MYB: variants seen among roughly 807,000 people sequenced by gnomAD.
MYB encodes the protein MYB proto-oncogene, transcription factor, also known as transcriptional activator Myb.
A neutral mutation model predicts 92.9 loss-of-function variants in MYB; 28 were observed. The ratio of observed to expected loss-of-function variants is 0.30; its 90% CI spans 0.22 to 0.41. The LOEUF is 0.41. MYB is among the 10% of genes least tolerant of loss of function. MYB has a pLI of 1.00. For synonymous variants in MYB, 295 were observed against 329.1 expected, an observed-to-expected ratio of 0.90 and a Z score of 1.12; for missense variants, 679 against 929.3, an observed-to-expected ratio of 0.73 and a Z score of 3.50.
chr6:135,215,524 G>C (rs1397225948), intron 15 of MYB, among the ~76,000 whole-genome samples: 3 of 152,150 alleles, frequency 2.0e-5, no homozygotes, highest in South Asian at 4.1e-4. Context: ...GCAGTGAATG[G>C]TAGCTATGCC....
chr6:135,203,073 T>TG (rs1355077668), intron 14 of MYB, 144 bp from the exon 15 acceptor site: 2 of 704,130 alleles, frequency 2.8e-6, no homozygotes, highest in Non-Finnish European at 5.1e-6. Flanking sequence ...TAGCTCATAG[T>TG]GGGGAGAATT....
rs770846525 is a variant in MYB at position 135,196,999 on chromosome 6, C to A, written c.1242C>A (p.Phe414Leu). 8.1e-6 allele frequency: 13 copies of A among 1,613,772 alleles called. No individual in the cohort carries two copies. Among genetic ancestry groups the A allele is most frequent in the East Asian group, 2.2e-5 (1 of 44,898 alleles). The change falls in exon 10 of 16, where the codon TTC becomes TTA. Residue 414 changes from phenylalanine (F) to leucine (L), a missense_variant. Phe to Leu is a conservative substitution (Grantham distance 22). This residue lies in a region of MYB where 402 missense variants were observed against 434.2 expected (regional missense o/e 0.93). Coordinates refer to ENST00000341911, the MANE Select transcript of MYB (RefSeq NM_001130173.2). ...SSWCDLSSFE[F>L]FEEADFSPSQ... ...GGTGTGATCTCAGCAGTTTTGAATT[C>A]TTTGAAGAAGCAGATTTTTCACCTA...
Position 135,181,586 on chromosome 6 carries a change from G to A in MYB, c.23+50G>A. The A allele has an allele frequency of 2.7e-6, 3 of 1,122,354 alleles. No homozygotes were observed. The highest frequency in any genetic ancestry group is 4.4e-5 in the South Asian group (1 of 22,980). 69.5% of individuals were successfully genotyped at this position (1,122,354 alleles called of 1,614,324 possible). ...CGAGGGCGGGGGCGCGCGGGGGCGCGCGGGGCGCCAGGCTCCCGGGAGCAG... is the reference window on the plus strand; with the variant it reads ...CGAGGGCGGGGGCGCGCGGGGGCGCACGGGGCGCCAGGCTCCCGGGAGCAG... On this transcript the variant is annotated intron_variant, in intron 1 of 15. Coordinates refer to ENST00000341911, the MANE Select transcript of MYB (RefSeq NM_001130173.2). This position sits in a 1 kb window ranked among gnomAD's most constrained non-coding sequence, Gnocchi z 5.3.
rs566116970 is a variant in MYB at position 135,182,663 on chromosome 6, C to A, written c.23+1127C>A. On this transcript the variant is annotated intron_variant, in intron 1 of 15. Coordinates refer to ENST00000341911, the MANE Select transcript of MYB (RefSeq NM_001130173.2). The surrounding 1 kb of genome is among the most constrained non-coding windows in gnomAD (Gnocchi z 5.6). The stretch of plus-strand genomic sequence containing the variant: ...CCGGACAGACCCTCGCGAAGGAGTT[C>A]TAAGGCGAAGTCCATGGAGGCAAAG... Among the ~76,000 whole-genome samples the A allele has an allele frequency of 9.2e-5, 14 of 152,368 alleles. No individual in the cohort carries two copies. Among genetic ancestry groups the A allele is most frequent in the South Asian group, 4.1e-4 (2 of 4,828 alleles).
intron 15 of MYB, among the ~76,000 whole-genome samples, chr6:135,204,523 G>A (rs1231606913): frequency 2.0e-5 from 3 of 152,246 alleles, no homozygotes; most frequent in African/African-American, 4.8e-5. Context: ...GGCAGGTCTC[G>A]AATTCCTGGT....
chr6:135,187,311 G>T (rs935789552), intron 2 of MYB, among the ~76,000 whole-genome samples: 2 of 152,020 alleles, frequency 1.3e-5, no homozygotes, highest in Non-Finnish European at 2.9e-5. Context: ...TTTATAAAAA[G>T]TTAAACTAAC....
At chr6:135,205,695 A>C (rs1778767783) in intron 15 of MYB, among the ~76,000 whole-genome samples, 1 of 152,206 alleles carries the variant, frequency 6.6e-6, no homozygotes, top group Non-Finnish European at 1.5e-5. Context: ...AATAATTGAG[A>C]CTTGAAAGTT....
chr6:135,208,081 ATT>A (rs34723585), intron 15 of MYB, among the ~76,000 whole-genome samples: 3 of 135,534 alleles, frequency 2.2e-5, no homozygotes, highest in East Asian at 2.1e-4. Context: ...TTTTTTTTTA[ATT>A]TTTTTTTTTT....
At position 135,197,070 on chromosome 6, in the gene MYB, G is replaced by A; in HGVS notation, c.1313G>A (p.Gly438Asp). 31 of 1,614,030 alleles carry A rather than the reference G, an allele frequency of 1.9e-5. No individual in the cohort carries two copies. Among genetic ancestry groups the A allele is most frequent in the Non-Finnish European group, 2.6e-5 (31 of 1,179,908 alleles). The change falls in exon 10 of 16, where the codon GGC (glycine) becomes GAC (aspartate). Residue 438 changes from glycine to aspartate, a missense_variant. By Grantham distance (94) the Gly-to-Asp change is moderately conservative. Around this residue, in one of 8 missense-constraint regions of MYB, gnomAD observed 402 missense variants for 434.2 expected, o/e 0.93. Transcript: ENST00000341911. ...GCCCTACAGCTTCAGCAAAGAGAGG[G>A]CAATGGGACTAAACCTGCAGGAGAA... ...GKALQLQQRE[G>D]NGTKPAGEPS... is the part of the protein sequence containing the mutation.
chr6:135,200,666 G>A (rs1777942917), intron 13 of MYB: 1 of 525,460 alleles, frequency 1.9e-6, no homozygotes, highest in East Asian at 3.6e-5. Flanking sequence ...AGAAAAGGGA[G>A]GGAAAGAGGT....
chr6:135,202,809 T>C (rs772766085), intron 14 of MYB: 9 of 408,936 alleles, frequency 2.2e-5, no homozygotes, highest in Non-Finnish European at 3.8e-5. Context: ...ATTCCCTACT[T>C]TTCACCATTT....
At chr6:135,194,809 T>C (rs544685169) in intron 8 of MYB, 116 of 958,168 alleles carry the variant, frequency 1.2e-4, no homozygotes, top group South Asian at 4.1e-4. Context: ...ACCATTTTGG[T>C]TTTTTTCTAT....
At chr6:135,187,778 G>T in intron 2 of MYB, 56 bp from the exon 3 acceptor site, 1 of 1,233,164 alleles carries the variant, frequency 8.1e-7, no homozygotes, top group South Asian at 1.5e-5. Context: ...ACTTTAACTT[G>T]AACAGAGTTA....
rs1023465689 is a variant in MYB, at chr6:135,189,649, G to T, written c.214-142G>T. On this transcript the variant is annotated intron_variant, in intron 3 of 15. Transcript: ENST00000341911. ...TGTTCTGTAGCCTGTAAGTAATGAG[G>T]GATAGATGGGCTCTAAACATGCTCT... 1.2e-5 allele frequency: 8 copies of T among 640,754 alleles called. No homozygotes were observed. In the East Asian group the frequency reaches 2.1e-4, roughly 17 times the overall value. The allele number at this position is 640,754 out of a possible 1,614,324, so 39.7% of individuals were successfully genotyped here. A position where few individuals can be genotyped will look rare whatever the true frequency, so the allele number is the denominator to read the frequency against.
At chr6:135,187,942 C>G in intron 3 of MYB, 37 bp downstream of exon 3, 1 of 1,434,150 alleles carries the variant, frequency 7.0e-7, no homozygotes, top group Non-Finnish European at 9.8e-7. Context: ...GAAAGGAAAG[C>G]TTCTCCCAAA....
chr6:135,207,250 G>A (rs1779071320), intron 15 of MYB, among the ~76,000 whole-genome samples: 1 of 152,136 alleles, frequency 6.6e-6, no homozygotes, highest in Non-Finnish European at 1.5e-5. Flanking sequence ...AAACCATCTA[G>A]ACATTTTTGT....
intron 15 of MYB, among the ~76,000 whole-genome samples, chr6:135,206,176 G>A (rs9321494): frequency 0.58 from 81,168 of 139,526 alleles, 24,529 homozygotes; most frequent in African/African-American, 0.77. Context: ...ACTACACTCC[G>A]GCCTGGGTGA....
Position 135,217,876 on chromosome 6 carries a change from ACC to A in MYB, c.2183_2184del (p.Thr728MetfsTer21), listed in dbSNP as rs778572703. The A allele has an allele frequency of 6.2e-6, 10 of 1,610,750 alleles. No individual in the cohort carries two copies. The highest frequency in any genetic ancestry group is 8.5e-7 in the Non-Finnish European group (1 of 1,177,212). On this transcript the variant is annotated frameshift_variant, in exon 16 of 16. Coordinates refer to ENST00000341911, the MANE Select transcript of MYB (RefSeq NM_001130173.2). LOFTEE classifies it high-confidence loss of function. The part of the protein sequence containing the change: ...LASPLQPCSS[T>X]WEPASCGKME... Reference sequence around the variant, plus strand: ...CTTTCTCCATCAGCCTTGTAGCAGTACCTGGGAACCTGCATCCTGTGGAAAGA... The same window carrying A: ...CTTTCTCCATCAGCCTTGTAGCAGTATGGGAACCTGCATCCTGTGGAAAGA...
At chr6:135,198,857 A>G in intron 10 of MYB, 51 bp from the exon 11 acceptor site, 1 of 1,447,782 alleles carries the variant, frequency 6.9e-7, no homozygotes, top group South Asian at 1.2e-5. Context: ...ATTGGGGAGA[A>G]TAAAGAATTA....
Sources: allele counts gnomAD v4.1 joint callset (sites outside exome capture counted in the v4.1 genomes callset), GRCh38; gene constraint gnomAD v4.1.1; regional missense constraint gnomAD v4.1.1; non-coding constraint Gnocchi (gnomAD v3.1); transcripts MANE v1.5; gene names NCBI Gene and HGNC (gene_info 2026-07-23, HGNC 2026-07-21).